Variants in COP1 observed in about 807,000 individuals in gnomAD.
COP1 encodes the protein COP1 E3 ubiquitin ligase.
COP1 carries 24 observed loss-of-function variants against 101.3 expected under a neutral mutation model. The observed-to-expected ratio is 0.24, with a 90% confidence interval of 0.17 to 0.33. The LOEUF is 0.33. Among genes scored for constraint, COP1 ranks in the 10% least tolerant of loss-of-function variants. The pLI, the probability that COP1 is intolerant of heterozygous loss-of-function variation, is 1.00. For synonymous variants in COP1, 347 were observed against 341.9 expected (o/e 1.01, Z -0.17); for missense variants, 663 against 906.2 (o/e 0.73, Z 3.45).
intron 15 of COP1, among the ~76,000 whole-genome samples, chr1:176,000,868 A>G (rs142697904): frequency 3.3e-5 from 5 of 152,110 alleles, no homozygotes; most frequent in Non-Finnish European, 5.9e-5. Context: ...TCTGGGGATT[A>G]TAATTGGCAT....
intron 15 of COP1, among the ~76,000 whole-genome samples, chr1:175,993,915 G>A (rs1659381858): frequency 6.6e-6 from 1 of 152,118 alleles, no homozygotes; most frequent in Admixed American, 6.5e-5. Context: ...TACTCCTCGA[G>A]AAGAGCAACT....
At chr1:176,167,709 G>C (rs1695349718) in intron 3 of COP1, among the ~76,000 whole-genome samples, 2 of 152,160 alleles carry the variant, frequency 1.3e-5, no homozygotes, top group South Asian at 4.1e-4. Flanking sequence ...TCTTTTTAGA[G>C]GCAGAACAGT....
intron 18 of COP1, among the ~76,000 whole-genome samples, chr1:175,947,733 T>G (rs960668311): frequency 6.6e-6 from 1 of 152,120 alleles, no homozygotes; most frequent in African/African-American, 2.4e-5. Flanking sequence ...TTTTGAAGTG[T>G]AAGTTTTAAT....
At chr1:175,968,225 T>A (rs1257387197) in intron 18 of COP1, 2 of 197,882 alleles carry the variant, frequency 1.0e-5, no homozygotes, top group African/African-American at 4.7e-5. Flanking sequence ...GTTCCTTAAA[T>A]AAGCAAATAA....
At position 176,058,135 on chromosome 1, in the gene COP1, T is replaced by G. The variant is rs868108540; in HGVS notation, c.1278-11811A>C. The stretch of plus-strand genomic sequence containing the variant: ...CCACCCCGTCGGGAGGGAGGTGGGG[T>G]GGGGGGGGGGTCAGCCCCCGCCCGG... On this transcript the variant is annotated intron_variant, in intron 11 of 19. Transcript: ENST00000367669. 7.1e-3 allele frequency among the ~76,000 whole-genome samples: 483 copies of G among 68,090 alleles called. 2 individuals carry two copies. The highest frequency in any genetic ancestry group is 0.011 in the Non-Finnish European group (370 of 33,052). The allele number at this position is 68,090 out of a possible 152,430, so 44.7% of individuals were successfully genotyped here.
intron 6 of COP1, among the ~76,000 whole-genome samples, chr1:176,147,477 T>C (rs1691740161): frequency 6.6e-6 from 1 of 152,126 alleles, no homozygotes; most frequent in African/African-American, 2.4e-5. Flanking sequence ...AACCAAAATG[T>C]ATTAATGACA....
chr1:176,046,151 T>C (rs200758746), intron 12 of COP1, 30 bp downstream of exon 12: 406 of 1,565,932 alleles, frequency 2.6e-4, no homozygotes, highest in Non-Finnish European at 3.3e-4. Flanking sequence ...ACATCTATAC[T>C]GCATCATGTC....
intron 5 of COP1, among the ~76,000 whole-genome samples, chr1:176,159,323 TACAGA>T (rs1363629152): frequency 6.6e-6 from 1 of 152,168 alleles, no homozygotes; most frequent in African/African-American, 2.4e-5. Context: ...TACTGGTTAT[TACAGA>T]AATGTATTTT....
intron 15 of COP1, among the ~76,000 whole-genome samples, chr1:175,999,399 A>G: frequency 6.6e-6 from 1 of 151,742 alleles, no homozygotes; most frequent in South Asian, 2.1e-4. Context: ...TTACATAATG[A>G]TCTCCAGTTC....
At chr1:175,978,176 T>G (rs971199390) in intron 18 of COP1, among the ~76,000 whole-genome samples, 5 of 152,188 alleles carry the variant, frequency 3.3e-5, no homozygotes, top group Non-Finnish European at 7.4e-5. Flanking sequence ...GCTTAAAAAT[T>G]GGCATCAATT....
chr1:176,032,242 A>G (rs1668762372), intron 14 of COP1, among the ~76,000 whole-genome samples: 1 of 152,208 alleles, frequency 6.6e-6, no homozygotes, highest in African/African-American at 2.4e-5. Context: ...TGCTATTTCA[A>G]CAAAAACTAC....
intron 11 of COP1, among the ~76,000 whole-genome samples, chr1:176,050,107 G>A (rs951658083): frequency 2.6e-5 from 4 of 152,122 alleles, no homozygotes; most frequent in Non-Finnish European, 5.9e-5. Flanking sequence ...CAACATACAA[G>A]TATACTTTTG....
At chr1:175,966,911 C>T (rs531798782) in intron 18 of COP1, among the ~76,000 whole-genome samples, 3 of 152,294 alleles carry the variant, frequency 2.0e-5, no homozygotes, top group Admixed American at 2.0e-4. Flanking sequence ...TCCCACTCTC[C>T]TTCCAATCTT....
intron 12 of COP1, 108 bp from the exon 13 acceptor site, chr1:176,043,926 A>T: frequency 1.4e-6 from 1 of 692,708 alleles, no homozygotes; most frequent in Non-Finnish European, 2.6e-6. Context: ...AATGGTCTCT[A>T]TCAGTTCACA....
intron 5 of COP1, among the ~76,000 whole-genome samples, chr1:176,154,476 T>G (rs1693148361): frequency 6.6e-6 from 1 of 152,138 alleles, no homozygotes; most frequent in Non-Finnish European, 1.5e-5. Flanking sequence ...GGAGATCACG[T>G]CCTCTGCAGG....
chr1:176,153,695 T>C (rs1268868563), intron 5 of COP1, among the ~76,000 whole-genome samples: 1 of 152,184 alleles, frequency 6.6e-6, no homozygotes, highest in African/African-American at 2.4e-5. Flanking sequence ...CTTCCAGCCT[T>C]TGCCCATTTA....
chr1:176,111,282 ATTTATT>A (rs1342490151), intron 9 of COP1, among the ~76,000 whole-genome samples: 2 of 152,086 alleles, frequency 1.3e-5, no homozygotes, highest in African/African-American at 4.8e-5. Context: ...TAATTATTTA[ATTTATT>A]TTTATTTATT....
At chr1:176,027,793 GCCA>G in intron 14 of COP1, 105 bp from the exon 15 acceptor site, 4 of 701,044 alleles carry the variant, frequency 5.7e-6, no homozygotes, top group Non-Finnish European at 1.0e-5. Flanking sequence ...ATCTTTTTGT[GCCA>G]CTCTAAAACA....
chr1:176,173,637 C>CAA (rs776004659), intron 3 of COP1, among the ~76,000 whole-genome samples: 2 of 120,418 alleles, frequency 1.7e-5, no homozygotes, highest in African/African-American at 6.1e-5. Flanking sequence ...GGCGCTGTCT[C>CAA]AAAAAAAAAA....
Sources: gnomAD v4.1 joint callset for allele counts (sites outside exome capture counted in the v4.1 genomes callset) on GRCh38, gnomAD v4.1.1 for gene constraint, MANE v1.5 for transcripts, NCBI Gene and HGNC (gene_info 2026-07-23, HGNC 2026-07-21) for gene names.